The following FAM228A variants were observed in gnomAD, a reference collection of about 807,000 sequenced individuals.
FAM228A encodes family with sequence similarity 228 member A.
Under a neutral mutation model 18.6 loss-of-function variants are expected in FAM228A, and 13 were observed. That is an observed-to-expected ratio of 0.70 (90% CI 0.45 to 1.11). The LOEUF (loss-of-function observed/expected upper bound fraction) is 1.11. Among genes scored for constraint, FAM228A ranks in the 50% least tolerant of loss-of-function variants. FAM228A has a pLI of 0.00. For synonymous variants in FAM228A, 77 were observed against 86.6 expected (o/e 0.89, Z 0.61); for missense variants, 240 against 242.2 (o/e 0.99, Z 0.06).
chr2:24,187,115 G>A (rs1667967563), intron 5 of FAM228A, among the ~76,000 whole-genome samples: 1 of 152,040 alleles, frequency 6.6e-6, no homozygotes, highest in Non-Finnish European at 1.5e-5. Context: ...TGTGCTCACA[G>A]TTTTGTGGGA....
intron 5 of FAM228A, chr2:24,188,689 A>G: frequency 1.0e-6 from 1 of 979,728 alleles, no homozygotes. Context: ...GAGGAAGGTA[A>G]GAGTTGGAGA....
At chr2:24,177,936 T>C in intron 3 of FAM228A, 66 bp downstream of exon 3, 6 of 972,976 alleles carry the variant, frequency 6.2e-6, no homozygotes, top group East Asian at 2.6e-5. Context: ...CAGAACAACA[T>C]GGCCAAGAGT....
At chr2:24,184,532 G>GT (rs1306776264) in intron 5 of FAM228A, among the ~76,000 whole-genome samples, 1 of 151,938 alleles carries the variant, frequency 6.6e-6, no homozygotes, top group Non-Finnish European at 1.5e-5. Context: ...ATTAACTTCT[G>GT]TTTTCTGATT....
Position 24,190,873 on chromosome 2 carries a change from GC to G in FAM228A, c.*244del. ...TCCTTCCGAGGTGAGGGCCAACCTG[GC>G]CACAGGGGCTTTTCCCCCTGAGATT... On this transcript the variant is annotated 3_prime_UTR_variant, in exon 6 of 6. Coordinates refer to ENST00000295150, the MANE Select transcript of FAM228A (RefSeq NM_001040710.3). 8.3e-7 allele frequency: 1 copy of G among 1,206,318 alleles called. No homozygotes were observed. The highest frequency in any genetic ancestry group is 1.0e-6 in the Non-Finnish European group (1 of 969,426). The allele number at this position is 1,206,318 out of a possible 1,614,324, so 74.7% of individuals were successfully genotyped here.
intron 3 of FAM228A, among the ~76,000 whole-genome samples, chr2:24,180,406 C>T (rs1380572986): frequency 6.6e-6 from 1 of 151,962 alleles, no homozygotes; most frequent in Non-Finnish European, 1.5e-5. Flanking sequence ...GAGCCATGAT[C>T]GTGTCACTGC....
chr2:24,175,577 A>T lies in FAM228A; in HGVS notation c.93+4A>T, dbSNP rs2042468. 1,011,777 of 1,607,288 alleles carry T rather than the reference A, an allele frequency of 0.63. 321,951 individuals are homozygous for T. The highest frequency in any genetic ancestry group is 0.77 in the Admixed American group (46,369 of 60,006). On this transcript the variant is annotated splice_donor_region_variant and intron_variant, in intron 2 of 5. Transcript: ENST00000295150. ...CGAGTCCGTTTCTTTAATGGAGGTGAGATAACGTGGCGTTTTGAGACGTCA... is the reference window on the plus strand; with the variant it reads ...CGAGTCCGTTTCTTTAATGGAGGTGTGATAACGTGGCGTTTTGAGACGTCA...
chr2:24,190,104 T>C (rs560037084), intron 5 of FAM228A, among the ~76,000 whole-genome samples: 2 of 152,314 alleles, frequency 1.3e-5, no homozygotes, highest in African/African-American at 4.8e-5. Context: ...CCTGACTTTC[T>C]GGTTTGAGCA....
At chr2:24,178,976 A>G (rs1667754370) in intron 3 of FAM228A, 1 of 200,298 alleles carries the variant, frequency 5.0e-6, no homozygotes, top group South Asian at 9.7e-5. Context: ...CAGTTATCTT[A>G]TACTGGGACT....
In FAM228A at chr2:24,183,626, A is replaced by C. The variant is rs1392713367; in HGVS notation, c.382A>C (p.Ser128Arg). The C allele has an allele frequency of 1.9e-6, 3 of 1,603,914 alleles. No individual in the cohort carries two copies. The highest frequency in any genetic ancestry group is 1.3e-5 in the African/African-American group (1 of 74,352). ...GCATAAAGCCTCTGCAAGAGCCAGG[A>C]GTAAAACTTACAAATACAGGTACAG... ...EWHKASARAR[S>R]KTYKYSPEKL... Residue 128 changes from serine to arginine, a missense_variant, in exon 5 of 6, where the codon AGT (serine) becomes CGT (arginine). Ser to Arg is a moderately radical substitution (Grantham distance 110). Transcript: ENST00000295150.
chr2:24,184,431 G>C (rs902492861), intron 5 of FAM228A, among the ~76,000 whole-genome samples: 1 of 151,616 alleles, frequency 6.6e-6, no homozygotes, highest in Non-Finnish European at 1.5e-5. Context: ...ATCTGTTGAG[G>C]GTTTGTACAT....
chr2:24,187,407 C>T (rs1177565743), intron 5 of FAM228A, among the ~76,000 whole-genome samples: 3 of 152,248 alleles, frequency 2.0e-5, no homozygotes, highest in African/African-American at 7.2e-5. Flanking sequence ...TCCTGCACCA[C>T]AGTGGTACAA....
Position 24,190,727 on chromosome 2 carries a change from G to A in FAM228A, c.*96G>A. 5.6e-6 allele frequency: 8 copies of A among 1,428,758 alleles called. No homozygotes were observed. Among genetic ancestry groups the A allele is most frequent in the Non-Finnish European group, 5.5e-6 (6 of 1,088,518 alleles). The allele number at this position is 1,428,758 out of a possible 1,614,324, so 88.5% of individuals were successfully genotyped here. Reference sequence around the variant, plus strand: ...GTGAAGAGGAGGAGGGAGAAATGGCGGTGGCCTCAGGCTCAGCACTGCAGC... The same window carrying A: ...GTGAAGAGGAGGAGGGAGAAATGGCAGTGGCCTCAGGCTCAGCACTGCAGC... On this transcript the variant is annotated 3_prime_UTR_variant, in exon 6 of 6. Transcript: ENST00000295150.
rs368132241 is a variant in FAM228A, at chr2:24,175,451, C to A, written c.-14-16C>A. The A allele has an allele frequency of 2.3e-5, 36 of 1,582,242 alleles. No individual in the cohort carries two copies. The highest frequency in any genetic ancestry group is 2.8e-5 in the Non-Finnish European group (32 of 1,150,972). On this transcript the variant is annotated splice_polypyrimidine_tract_variant and intron_variant, in intron 1 of 5. Coordinates refer to ENST00000295150, the MANE Select transcript of FAM228A (RefSeq NM_001040710.3). ...AACCGTCTTCCTCAGCCTCAGTTTA[C>A]CTTTTCATCCCTCAGGGATTCTCCT...
At chr2:24,177,462 C>T (rs1667717138) in intron 2 of FAM228A, among the ~76,000 whole-genome samples, 1 of 152,062 alleles carries the variant, frequency 6.6e-6, no homozygotes, top group African/African-American at 2.4e-5. Flanking sequence ...CAAAAAACAC[C>T]TACTGAATGC....
At position 24,176,243 on chromosome 2, in the gene FAM228A, A is replaced by G. The variant is rs1007537670; in HGVS notation, c.93+670A>G. ...AGGTGACTTCCCAAGATGCTTGTCA[A>G]TATGTTCTGCTTCTCCAAATAAATA... is the stretch of plus-strand genomic sequence containing the variant. On this transcript the variant is annotated intron_variant, in intron 2 of 5. Coordinates refer to ENST00000295150, the MANE Select transcript of FAM228A (RefSeq NM_001040710.3). The G allele has an allele frequency of 7.2e-6, 7 of 966,852 alleles. No individual in the cohort carries two copies. The African/African-American group carries it at 1.1e-4, about 15-fold the overall frequency. The allele number at this position is 966,852 out of a possible 1,614,324, so 59.9% of individuals were successfully genotyped here. A position where few individuals can be genotyped will look rare whatever the true frequency, so the allele number is the denominator to read the frequency against.
chr2:24,191,408 C>G lies in FAM228A; in HGVS notation c.*777C>G, dbSNP rs1045627972. 1 of 985,480 alleles carries G rather than the reference C, an allele frequency of 1.0e-6. No individual in the cohort carries two copies. Among genetic ancestry groups the G allele is most frequent in the Non-Finnish European group, 1.2e-6 (1 of 829,944 alleles). The allele number at this position is 985,480 out of a possible 1,614,324, so 61.0% of individuals were successfully genotyped here. A position where few individuals can be genotyped will look rare whatever the true frequency, so the allele number is the denominator to read the frequency against. On this transcript the variant is annotated 3_prime_UTR_variant, in exon 6 of 6. Coordinates refer to ENST00000295150, the MANE Select transcript of FAM228A (RefSeq NM_001040710.3). ...AGTCCCATCGCTGTCCCCGGTCTCT[C>G]CAGGGAGTAAGGGATTCTCCGTCTG...
chr2:24,187,360 T>G (rs959688486), intron 5 of FAM228A, among the ~76,000 whole-genome samples: 2 of 152,238 alleles, frequency 1.3e-5, no homozygotes, highest in African/African-American at 2.4e-5. Flanking sequence ...GTACACCTCC[T>G]GTCCCCCAAC....
At chr2:24,187,542 C>T (rs1667978875) in intron 5 of FAM228A, among the ~76,000 whole-genome samples, 1 of 152,320 alleles carries the variant, frequency 6.6e-6, no homozygotes, top group South Asian at 2.1e-4. Context: ...CAGTGTCACA[C>T]AGAATAGTTT....
chr2:24,179,824 G>T (rs1472939144), intron 3 of FAM228A, among the ~76,000 whole-genome samples: 1 of 152,108 alleles, frequency 6.6e-6, no homozygotes, highest in African/African-American at 2.4e-5. Context: ...TTTCCCTTAG[G>T]TCTCATTGGC....
Sources: gnomAD v4.1 joint callset for allele counts (sites outside exome capture counted in the v4.1 genomes callset) on GRCh38, gnomAD v4.1.1 for gene constraint, MANE v1.5 for transcripts, NCBI Gene and HGNC (gene_info 2026-07-23, HGNC 2026-07-21) for gene names.